The following COP1 variants were observed in gnomAD, a reference collection of about 807,000 sequenced individuals.
The protein encoded by COP1 is COP1 E3 ubiquitin ligase.
Under a neutral mutation model 101.3 loss-of-function variants are expected in COP1, and 24 were observed. The ratio of observed to expected loss-of-function variants is 0.24; its 90% confidence interval spans 0.17 to 0.33. COP1 has a LOEUF of 0.33. Ranked by LOEUF, COP1 falls within the 10% of genes least tolerant of loss-of-function variation. The probability of loss-of-function intolerance (pLI) is 1.00; values close to 1 mark genes in which losing one functional copy is unlikely to be tolerated. For synonymous variants in COP1, 347 were observed against 341.9 expected (o/e 1.01, Z -0.17); for missense variants, 663 against 906.2 (o/e 0.73, Z 3.45).
In COP1 at chr1:176,006,622, T is replaced by G. The variant is rs183997435; in HGVS notation, c.1730-17143A>C. Among the ~76,000 whole-genome samples, 422 of 152,272 alleles carry G rather than the reference T, an allele frequency of 2.8e-3. 4 individuals carry two copies. The highest frequency in any genetic ancestry group is 8.8e-3 in the African/African-American group (364 of 41,558). On this transcript the variant is annotated intron_variant, in intron 15 of 19. Coordinates refer to ENST00000367669, the MANE Select transcript of COP1 (RefSeq NM_022457.7). ...TTTGCTTACGAAGCTTAGTTTGGCTTGATATGAAATTCTGGGTTGAAAATT... is the reference window on the plus strand; with the variant it reads ...TTTGCTTACGAAGCTTAGTTTGGCTGGATATGAAATTCTGGGTTGAAAATT...
At chr1:176,041,688 G>A (rs970847399) in intron 14 of COP1, among the ~76,000 whole-genome samples, 5 of 152,170 alleles carry the variant, frequency 3.3e-5, no homozygotes, top group African/African-American at 4.8e-5. Context: ...ACAGTAGGCC[G>A]GGCATGGTGG....
chr1:176,179,894 A>T (rs1047965465), intron 2 of COP1, among the ~76,000 whole-genome samples: 10 of 151,986 alleles, frequency 6.6e-5, no homozygotes, highest in African/African-American at 2.4e-4. Context: ...AGCTGGAAGT[A>T]ACTGTCCTCA....
intron 18 of COP1, among the ~76,000 whole-genome samples, chr1:175,951,486 CAGAGT>C (rs1026512146): frequency 2.6e-5 from 3 of 113,776 alleles, no homozygotes; most frequent in Non-Finnish European, 3.8e-5. Flanking sequence ...TTGGCCATAA[CAGAGT>C]AAACAGACTA....
chr1:176,094,450 T>G (rs1313066201), intron 9 of COP1, among the ~76,000 whole-genome samples: 1 of 151,920 alleles, frequency 6.6e-6, no homozygotes, highest in Non-Finnish European at 1.5e-5. Flanking sequence ...TGGATGCAGA[T>G]AGTCTACAAG....
intron 2 of COP1, among the ~76,000 whole-genome samples, chr1:176,177,267 GCCTC>G (rs775716025): frequency 2.0e-5 from 3 of 149,348 alleles, no homozygotes; most frequent in Admixed American, 6.7e-5. Flanking sequence ...ACATTTGTGT[GCCTC>G]CCTATTAAAA....
intron 15 of COP1, among the ~76,000 whole-genome samples, chr1:175,992,558 C>T (rs1000416015): frequency 3.2e-4 from 49 of 152,232 alleles, no homozygotes; most frequent in African/African-American, 1.2e-3. Flanking sequence ...CTGCGCTTTA[C>T]CGACAGGCTT....
At chr1:176,067,969 C>G (rs531805447) in intron 11 of COP1, among the ~76,000 whole-genome samples, 1 of 152,312 alleles carries the variant, frequency 6.6e-6, no homozygotes, top group African/African-American at 2.4e-5. Context: ...ACAAGCCACA[C>G]CCCCATCGCA....
chr1:176,082,266 T>G (rs1289838168), intron 10 of COP1, among the ~76,000 whole-genome samples: 1 of 152,196 alleles, frequency 6.6e-6, no homozygotes, highest in Admixed American at 6.5e-5. Flanking sequence ...CATAGCTTCT[T>G]TATTCTAAGC....
intron 18 of COP1, among the ~76,000 whole-genome samples, chr1:175,970,488 T>C (rs978218523): frequency 1.6e-4 from 24 of 152,268 alleles, no homozygotes; most frequent in African/African-American, 5.8e-4. Context: ...TTGAATGTAA[T>C]AGTTTAGATA....
chr1:176,035,228 G>T (rs1488351906), intron 14 of COP1, among the ~76,000 whole-genome samples: 1 of 151,768 alleles, frequency 6.6e-6, no homozygotes, highest in Admixed American at 6.6e-5. Context: ...TGGAAAGATA[G>T]AAGTACTCAG....
chr1:176,094,126 T>C (rs1436928651), intron 9 of COP1, among the ~76,000 whole-genome samples: 1 of 152,070 alleles, frequency 6.6e-6, no homozygotes, highest in Non-Finnish European at 1.5e-5. Flanking sequence ...GAACAGGGCA[T>C]ATAAAACAAA....
At chr1:176,035,710 C>CAAAAAAAAAAAAAAAAAAAAAAACAAAAA (rs71129541) in intron 14 of COP1, among the ~76,000 whole-genome samples, 2 of 73,110 alleles carry the variant, frequency 2.7e-5, no homozygotes, top group Non-Finnish European at 5.0e-5. Flanking sequence ...AAAACGAGAC[C>CAAAAAAAAAAAAAAAAAAAAAAACAAAAA]AAAAAAAAAA....
intron 8 of COP1, among the ~76,000 whole-genome samples, chr1:176,122,627 C>G (rs7514517): frequency 6.6e-6 from 1 of 151,930 alleles, no homozygotes; most frequent in South Asian, 2.1e-4. Flanking sequence ...TCCCCAGCAC[C>G]TCTTGTCTTC....
intron 14 of COP1, among the ~76,000 whole-genome samples, chr1:176,029,159 A>G (rs1348915300): frequency 6.6e-6 from 1 of 152,152 alleles, no homozygotes; most frequent in Non-Finnish European, 1.5e-5. Flanking sequence ...TTCTTATTTT[A>G]TCTTTCAATT....
At chr1:176,150,319 T>C (rs1417246754) in intron 5 of COP1, among the ~76,000 whole-genome samples, 1 of 152,194 alleles carries the variant, frequency 6.6e-6, no homozygotes, top group Non-Finnish European at 1.5e-5. Context: ...AACAGGATAG[T>C]CCAATTAAAA....
chr1:176,101,182 T>C (rs1457863248), intron 9 of COP1, among the ~76,000 whole-genome samples: 2 of 152,120 alleles, frequency 1.3e-5, no homozygotes, highest in East Asian at 1.9e-4. Flanking sequence ...GAAAGCTGCT[T>C]TGACACCCAT....
At chr1:175,973,912 C>A (rs1404089844) in intron 18 of COP1, among the ~76,000 whole-genome samples, 1 of 152,128 alleles carries the variant, frequency 6.6e-6, no homozygotes, top group Non-Finnish European at 1.5e-5. Context: ...AAACAAAAAA[C>A]CCAGCATTCG....
intron 11 of COP1, among the ~76,000 whole-genome samples, chr1:176,074,266 T>C (rs1024735793): frequency 1.3e-5 from 2 of 152,136 alleles, no homozygotes; most frequent in Non-Finnish European, 2.9e-5. Flanking sequence ...TTAAATTTCC[T>C]TTTTTGGGAG....
In COP1 at chr1:176,099,995, ATAAT is replaced by A. The variant is rs1218846292; in HGVS notation, c.1027-14109_1027-14106del. Among the ~76,000 whole-genome samples the A allele has an allele frequency of 8.5e-5, 13 of 152,352 alleles. 1 individual carries two copies. Among genetic ancestry groups the A allele is most frequent in the African/African-American group, 3.1e-4 (13 of 41,584 alleles). ...GCCAATCTAAAAGGCCTATGTAAAA[ATAAT>A]TAATCTTGCTGCACTTTAAACAAAT... On this transcript the variant is annotated intron_variant, in intron 9 of 19. Coordinates refer to ENST00000367669, the MANE Select transcript of COP1 (RefSeq NM_022457.7).
Sources: allele counts gnomAD v4.1 joint callset (sites outside exome capture counted in the v4.1 genomes callset), GRCh38; gene constraint gnomAD v4.1.1; transcripts MANE v1.5; gene names NCBI Gene and HGNC (gene_info 2026-07-23, HGNC 2026-07-21).